Variants in GTF2E2 observed in about 807,000 individuals in gnomAD.
GTF2E2 encodes transcription initiation factor IIE subunit beta.
A neutral mutation model predicts 40.5 loss-of-function variants in GTF2E2; 21 were observed. That is an observed-to-expected ratio of 0.52 (90% CI 0.37 to 0.75). The LOEUF (loss-of-function observed/expected upper bound fraction) is 0.75. GTF2E2 is among the 30% of genes least tolerant of loss of function. The pLI is 0.00. For missense variants in GTF2E2, 298 were observed against 338.4 expected, an observed-to-expected ratio of 0.88 and a Z score of 0.94; for synonymous variants, 117 against 121.6, an observed-to-expected ratio of 0.96 and a Z score of 0.25.
chr8:30,625,080 T>C (rs1389695770), intron 3 of GTF2E2, among the ~76,000 whole-genome samples: 2 of 152,052 alleles, frequency 1.3e-5, no homozygotes, highest in East Asian at 1.9e-4. Flanking sequence ...ATCCCTGTCT[T>C]GTGCCAGTTT....
intron 2 of GTF2E2, among the ~76,000 whole-genome samples, chr8:30,651,998 C>T (rs1158144400): frequency 6.6e-6 from 1 of 152,148 alleles, no homozygotes; most frequent in East Asian, 1.9e-4. Context: ...AAAAATGATG[C>T]TGGGACAACT....
At chr8:30,629,087 G>C (rs1801365060) in intron 3 of GTF2E2, among the ~76,000 whole-genome samples, 1 of 151,952 alleles carries the variant, frequency 6.6e-6, no homozygotes, top group African/African-American at 2.4e-5. Context: ...TGTATTATCA[G>C]ATCTATGGAC....
chr8:30,655,504 C>A lies in GTF2E2; in HGVS notation c.-4-1902G>T, dbSNP rs540671082. ...TTTGAAAGCTTTTAAGCACAGATAG[C>A]TCAATAAATATTTGTTAAATGAACA... is the stretch of plus-strand genomic sequence containing the variant. On this transcript the variant is annotated intron_variant, in intron 1 of 7. Transcript: ENST00000355904. Among the ~76,000 whole-genome samples the A allele has an allele frequency of 1.8e-4, 27 of 152,282 alleles. No homozygotes were observed. The South Asian group carries it at 5.4e-3, about 30-fold the overall frequency.
At chr8:30,609,287 GA>G (rs1829415108) in intron 5 of GTF2E2, among the ~76,000 whole-genome samples, 3 of 143,534 alleles carry the variant, frequency 2.1e-5, no homozygotes, top group Admixed American at 6.9e-5. Context: ...AAAAGAGAAA[GA>G]AAGAAAGAAA....
chr8:30,586,721 G>C (rs1462790730), intron 6 of GTF2E2, among the ~76,000 whole-genome samples: 1 of 152,132 alleles, frequency 6.6e-6, no homozygotes, highest in Non-Finnish European at 1.5e-5. Context: ...ACAATCCGCT[G>C]ATCTTTGACA....
intron 1 of GTF2E2, among the ~76,000 whole-genome samples, chr8:30,655,528 C>T (rs1299820313): frequency 1.3e-5 from 2 of 152,140 alleles, no homozygotes; most frequent in Non-Finnish European, 2.9e-5. Context: ...GTTAAATGAA[C>T]AACACATGGA....
intron 2 of GTF2E2, chr8:30,645,796 T>C: frequency 1.8e-6 from 1 of 549,794 alleles, no homozygotes. Context: ...TAAAACTTCA[T>C]GAATGTGAAT....
chr8:30,608,997 C>T (rs1018252959), intron 5 of GTF2E2, among the ~76,000 whole-genome samples: 3 of 152,194 alleles, frequency 2.0e-5, no homozygotes, highest in Non-Finnish European at 2.9e-5. Flanking sequence ...GATCCACCCG[C>T]CTCGGCCTCC....
chr8:30,652,619 A>T (rs1259791881), intron 2 of GTF2E2, among the ~76,000 whole-genome samples: 1 of 152,108 alleles, frequency 6.6e-6, no homozygotes, highest in Non-Finnish European at 1.5e-5. Context: ...ACATTGCTGG[A>T]GGAAATATAA....
At chr8:30,657,818 T>C (rs1369143842) in intron 1 of GTF2E2, among the ~76,000 whole-genome samples, 155 bp downstream of exon 1, 3 of 152,262 alleles carry the variant, frequency 2.0e-5, no homozygotes, top group South Asian at 2.1e-4. Flanking sequence ...CGGGGAACGG[T>C]TCGCGTGCTG....
chr8:30,630,617 C>G (rs1314887553), intron 3 of GTF2E2, among the ~76,000 whole-genome samples: 1 of 152,210 alleles, frequency 6.6e-6, no homozygotes, highest in East Asian at 1.9e-4. Context: ...TTCCACCTCC[C>G]CCCGCCATGA....
At chr8:30,587,068 C>T (rs759463719) in intron 6 of GTF2E2, among the ~76,000 whole-genome samples, 1 of 152,174 alleles carries the variant, frequency 6.6e-6, no homozygotes, top group South Asian at 2.1e-4. Flanking sequence ...AGACAACCTA[C>T]AAACTGGGAG....
intron 3 of GTF2E2, 137 bp downstream of exon 3, chr8:30,634,895 C>T: frequency 1.7e-6 from 1 of 592,684 alleles, no homozygotes; most frequent in Admixed American, 3.1e-5. Context: ...AATTGGCATA[C>T]AATAAACTGC....
At chr8:30,635,753 T>C (rs902858838) in intron 2 of GTF2E2, among the ~76,000 whole-genome samples, 35 of 152,128 alleles carry the variant, frequency 2.3e-4, no homozygotes, top group African/African-American at 7.7e-4. Context: ...TACACTTTAT[T>C]AAACAAGGAA....
At chr8:30,619,035 C>T (rs1041875104) in intron 3 of GTF2E2, among the ~76,000 whole-genome samples, 1 of 152,170 alleles carries the variant, frequency 6.6e-6, no homozygotes, top group Non-Finnish European at 1.5e-5. Flanking sequence ...CTCCACCTCC[C>T]GGGTTCAAGT....
chr8:30,650,842 T>C (rs1219160408), intron 2 of GTF2E2, among the ~76,000 whole-genome samples: 1 of 152,038 alleles, frequency 6.6e-6, no homozygotes, highest in Admixed American at 6.6e-5. Flanking sequence ...TGTAACCCCA[T>C]CTCTACTAAA....
At chr8:30,597,261 G>GTGGA (rs1162227410) in intron 6 of GTF2E2, 5 of 152,164 alleles carry the variant, frequency 3.3e-5, no homozygotes, top group African/African-American at 4.8e-5. Flanking sequence ...GTGGTTTAAG[G>GTGGA]CTCTTATCTC....
At chr8:30,645,658 T>A in intron 2 of GTF2E2, 2 of 1,438,188 alleles carry the variant, frequency 1.4e-6, no homozygotes, top group South Asian at 2.7e-5. Flanking sequence ...AGAAAAAAAA[T>A]ATATTCTGAG....
chr8:30,639,806 C>T (rs937813645), intron 2 of GTF2E2, among the ~76,000 whole-genome samples: 13 of 150,216 alleles, frequency 8.7e-5, no homozygotes, highest in Non-Finnish European at 1.5e-4. Flanking sequence ...TTTTCTTAGT[C>T]GGCATTCAGC....
Sources: gnomAD v4.1 joint callset for allele counts (sites outside exome capture counted in the v4.1 genomes callset) on GRCh38, gnomAD v4.1.1 for gene constraint, MANE v1.5 for transcripts, NCBI Gene and HGNC (gene_info 2026-07-23, HGNC 2026-07-21) for gene names.